Variants in ZNF521 observed in about 807,000 individuals in gnomAD.
ZNF521 encodes LYST-interacting protein 3.
In ZNF521, 14 loss-of-function variants were observed where a neutral mutation model predicts 105.5. The ratio of observed to expected loss-of-function variants is 0.13; its 90% CI spans 0.09 to 0.21. ZNF521 has a LOEUF of 0.21. Ranked by LOEUF, ZNF521 falls within the 10% of genes least tolerant of loss-of-function variation. ZNF521 has a pLI of 1.00. For synonymous variants in ZNF521, 635 were observed against 606.0 expected (o/e 1.05, Z -0.70); for missense variants, 1,233 against 1,629.7 (o/e 0.76, Z 4.19).
At chr18:25,274,262 G>T (rs1909889781) in intron 3 of ZNF521, among the ~76,000 whole-genome samples, 1 of 152,100 alleles carries the variant, frequency 6.6e-6, no homozygotes, top group Non-Finnish European at 1.5e-5. Context: ...CCCCAACATG[G>T]TCAGTAGTCA....
chr18:25,331,748 G>A (rs912615369), intron 2 of ZNF521, among the ~76,000 whole-genome samples: 2 of 152,092 alleles, frequency 1.3e-5, no homozygotes, highest in South Asian at 2.1e-4. Flanking sequence ...AAAGTGTTTT[G>A]TTTGAATCAG....
chr18:25,275,292 A>T (rs531544455), intron 3 of ZNF521, among the ~76,000 whole-genome samples: 5 of 152,286 alleles, frequency 3.3e-5, no homozygotes, highest in African/African-American at 4.8e-5. Context: ...TGGCGCAAAA[A>T]TTTTTTTAAA....
At chr18:25,147,070 G>C (rs2034958495) in intron 5 of ZNF521, among the ~76,000 whole-genome samples, 1 of 152,094 alleles carries the variant, frequency 6.6e-6, no homozygotes, top group African/African-American at 2.4e-5. Flanking sequence ...ATACAGAGCA[G>C]GGCAAACATT....
intron 5 of ZNF521, among the ~76,000 whole-genome samples, chr18:25,118,628 A>G (rs4800207): frequency 0.27 from 40,652 of 151,768 alleles, 6,392 homozygotes; most frequent in Non-Finnish European, 0.35. Flanking sequence ...CCACTAAAAT[A>G]ATAAGGCAAA....
chr18:25,158,567 C>A (rs987555509), intron 5 of ZNF521, among the ~76,000 whole-genome samples: 1 of 151,852 alleles, frequency 6.6e-6, no homozygotes, highest in Admixed American at 6.6e-5. Flanking sequence ...CATGAAACCA[C>A]GAAAGCATGA....
At chr18:25,330,641 T>A (rs1436999530) in intron 2 of ZNF521, among the ~76,000 whole-genome samples, 2 of 152,232 alleles carry the variant, frequency 1.3e-5, no homozygotes, top group Non-Finnish European at 2.9e-5. Context: ...TTGATTCTAA[T>A]ATCTCTTTCT....
intron 3 of ZNF521, among the ~76,000 whole-genome samples, chr18:25,269,009 A>T (rs1016032957): frequency 6.6e-6 from 1 of 151,158 alleles, no homozygotes; most frequent in Non-Finnish European, 1.5e-5. Flanking sequence ...GTCAAGACCC[A>T]TTGGTGTGCT....
chr18:25,235,139 C>A (rs192581335), intron 3 of ZNF521, among the ~76,000 whole-genome samples: 1 of 152,266 alleles, frequency 6.6e-6, no homozygotes, highest in East Asian at 1.9e-4. Context: ...AACGAAAGGG[C>A]CTGCATTCAA....
At chr18:25,228,048 CCTT>C (rs1906295524) in intron 3 of ZNF521, among the ~76,000 whole-genome samples, 1 of 151,970 alleles carries the variant, frequency 6.6e-6, no homozygotes, top group Non-Finnish European at 1.5e-5. Context: ...CTTTTGTATT[CCTT>C]CTAAAATGAT....
chr18:25,062,752 C>CCAA lies in ZNF521; in HGVS notation c.3907-12_3907-11insTTG, dbSNP rs2032934226. 3.4e-6 allele frequency: 1 copy of CCAA among 297,088 alleles called. No homozygotes were observed. The highest frequency in any genetic ancestry group is 4.5e-5 in the African/African-American group (1 of 22,140). 18.4% of individuals were successfully genotyped at this position (297,088 alleles called of 1,614,324 possible). A position where few individuals can be genotyped will look rare whatever the true frequency, so the allele number is the denominator to read the frequency against. On this transcript the variant is annotated splice_polypyrimidine_tract_variant and intron_variant, in intron 7 of 7. Coordinates refer to ENST00000361524, the MANE Select transcript of ZNF521 (RefSeq NM_015461.3). ...GGTCATTGTATGATTCTGTAAATAA[C>CCAA]AAAAAAAAAAAAAAAAAAAAAAAAA...
At chr18:25,246,088 A>T (rs1453148926) in intron 3 of ZNF521, among the ~76,000 whole-genome samples, 5 of 150,300 alleles carry the variant, frequency 3.3e-5, no homozygotes, top group Non-Finnish European at 3.0e-5. Flanking sequence ...GGGTGGGAGG[A>T]GGGGGGAGGG....
intron 4 of ZNF521, among the ~76,000 whole-genome samples, chr18:25,209,539 G>A (rs771080846): frequency 5.9e-5 from 9 of 152,292 alleles, no homozygotes; most frequent in Middle Eastern, 6.8e-3. Context: ...ACAGGGCATC[G>A]TCGGTGGATT....
intron 5 of ZNF521, among the ~76,000 whole-genome samples, chr18:25,114,638 G>C (rs749603585): frequency 6.6e-6 from 1 of 152,052 alleles, no homozygotes; most frequent in Non-Finnish European, 1.5e-5. Context: ...ATTTCCAAAA[G>C]GATGAAAAAA....
intron 3 of ZNF521, among the ~76,000 whole-genome samples, chr18:25,262,606 AT>A (rs1200204405): frequency 1.3e-5 from 2 of 152,244 alleles, no homozygotes; most frequent in African/African-American, 4.8e-5. Flanking sequence ...CATGAAACTC[AT>A]GGGTAAGAAA....
chr18:25,308,996 G>T (rs967506544), intron 3 of ZNF521, among the ~76,000 whole-genome samples: 1 of 152,144 alleles, frequency 6.6e-6, no homozygotes, highest in Non-Finnish European at 1.5e-5. Context: ...TCACTATATA[G>T]CTGTCAGGCA....
In ZNF521 at chr18:25,316,143, C is replaced by A. The variant is rs559889831; in HGVS notation, c.220+5865G>T. The stretch of plus-strand genomic sequence containing the variant: ...GACTTCAAGATTAATAGAAGGGAAT[C>A]CACAAGCAACAAAGAATAAATTGAG... On this transcript the variant is annotated intron_variant, in intron 3 of 7. Coordinates refer to ENST00000361524, the MANE Select transcript of ZNF521 (RefSeq NM_015461.3). Among the ~76,000 whole-genome samples the A allele has an allele frequency of 5.9e-5, 9 of 151,764 alleles. 1 individual carries two copies. Among genetic ancestry groups the A allele is most frequent in the Admixed American group, 5.9e-4 (9 of 15,254 alleles).
intron 5 of ZNF521, among the ~76,000 whole-genome samples, chr18:25,187,357 C>G (rs2035744426): frequency 2.0e-5 from 3 of 151,906 alleles, no homozygotes; most frequent in Admixed American, 1.3e-4. Flanking sequence ...GATACAATTT[C>G]TCTATTTCTC....
chr18:25,147,163 A>G (rs994818088), intron 5 of ZNF521, among the ~76,000 whole-genome samples: 1 of 152,206 alleles, frequency 6.6e-6, no homozygotes, highest in Non-Finnish European at 1.5e-5. Context: ...ATCAAAAACA[A>G]ATCAGTCAAC....
intron 5 of ZNF521, among the ~76,000 whole-genome samples, chr18:25,169,832 TA>T (rs1045684811): frequency 3.3e-5 from 5 of 152,198 alleles, no homozygotes; most frequent in African/African-American, 1.2e-4. Flanking sequence ...TTAATCTCAC[TA>T]TACTAATAAG....
Sources: allele counts gnomAD v4.1 joint callset (sites outside exome capture counted in the v4.1 genomes callset), GRCh38; gene constraint gnomAD v4.1.1; transcripts MANE v1.5; gene names NCBI Gene and HGNC (gene_info 2026-07-23, HGNC 2026-07-21).